Variants in DMD observed in about 807,000 individuals in gnomAD.
The protein encoded by DMD is mutant dystrophin.
A neutral mutation model predicts 330.1 loss-of-function variants in DMD; 63 were observed. The observed-to-expected ratio is 0.19, with a 90% confidence interval of 0.16 to 0.24. The LOEUF (loss-of-function observed/expected upper bound fraction) is 0.24, where lower values mean the gene tolerates loss of function less well. DMD is among the 10% of genes least tolerant of loss of function. DMD has a pLI of 1.00. For missense variants in DMD, 3,344 were observed against 2,684.1 expected (o/e 1.25, Z -5.43); for synonymous variants, 1,223 against 959.8 (o/e 1.27, Z -5.07).
chrX:32,881,875 C>G (rs2083978531), intron 2 of DMD, among the ~76,000 whole-genome samples: 1 of 111,372 alleles, frequency 9.0e-6, no homozygotes, highest in South Asian at 3.8e-4. Context: ...TACTGACTGA[C>G]TCTCAGAATC....
chrX:33,311,664 A>G (rs1377241336), intron 1 of DMD, among the ~76,000 whole-genome samples: 3 of 110,562 alleles, frequency 2.7e-5, no homozygotes, highest in Non-Finnish European at 5.7e-5. Context: ...ATATTTCAAG[A>G]AAATAGAGGT....
chrX:32,153,813 C>T (rs1054716681), intron 44 of DMD, among the ~76,000 whole-genome samples: 4 of 112,002 alleles, frequency 3.6e-5, no homozygotes, highest in African/African-American at 6.5e-5. Flanking sequence ...GATTAATGAA[C>T]GTGCGCACCT....
intron 2 of DMD, among the ~76,000 whole-genome samples, chrX:32,898,760 T>A (rs1482119613): frequency 1.8e-5 from 2 of 111,412 alleles, no homozygotes; most frequent in Non-Finnish European, 3.8e-5. Flanking sequence ...ATCTGCTGGT[T>A]TCTGCTGTTT....
chrX:31,483,261 T>C (rs112999932), intron 57 of DMD, among the ~76,000 whole-genome samples: 9,027 of 108,702 alleles, frequency 0.083, 414 homozygotes, highest in Middle Eastern at 0.17. Flanking sequence ...TTAGCCAGGA[T>C]GGTCTCCATC....
chrX:32,116,802 GTTTC>G (rs2146700337), intron 44 of DMD, among the ~76,000 whole-genome samples: 1 of 112,092 alleles, frequency 8.9e-6, no homozygotes, highest in Admixed American at 9.5e-5. Flanking sequence ...CCTTTCATTA[GTTTC>G]TTTCATATTT....
chrX:32,683,227 A>G (rs1483758953), intron 9 of DMD, among the ~76,000 whole-genome samples: 2 of 111,156 alleles, frequency 1.8e-5, no homozygotes, highest in African/African-American at 6.5e-5. Context: ...TATTGAAAGA[A>G]GGAGTGGCGA....
intron 44 of DMD, among the ~76,000 whole-genome samples, chrX:31,999,526 G>A (rs750454955): frequency 3.8e-4 from 42 of 111,854 alleles, no homozygotes; most frequent in Non-Finnish European, 5.1e-4. Flanking sequence ...TTATTTTAAA[G>A]TAAATGACTG....
chrX:32,111,681 G>T (rs904319637), intron 44 of DMD, among the ~76,000 whole-genome samples: 3 of 111,078 alleles, frequency 2.7e-5, no homozygotes, highest in African/African-American at 9.8e-5. Flanking sequence ...ATCATATCAA[G>T]TCCCAACTGT....
chrX:31,263,645 C>T (rs754712107), intron 62 of DMD, among the ~76,000 whole-genome samples: 1 of 111,547 alleles, frequency 9.0e-6, no homozygotes, highest in Non-Finnish European at 1.9e-5. Flanking sequence ...GATAAATGAA[C>T]TCCTCAAACA....
At chrX:31,873,906 C>T (rs1171089092) in intron 48 of DMD, among the ~76,000 whole-genome samples, 3 of 111,580 alleles carry the variant, frequency 2.7e-5, no homozygotes, top group Non-Finnish European at 5.6e-5. Context: ...CTTAAAAACA[C>T]TCACAAGTAA....
chrX:33,014,785 ATACAT>A (rs997274370), intron 2 of DMD, among the ~76,000 whole-genome samples: 7 of 109,669 alleles, frequency 6.4e-5, no homozygotes, highest in Admixed American at 3.9e-4. Flanking sequence ...AATTCAGAAA[ATACAT>A]TACATAATGA....
chrX:32,704,247 C>A (rs2064395708), intron 7 of DMD, among the ~76,000 whole-genome samples: 1 of 92,572 alleles, frequency 1.1e-5, no homozygotes, highest in Non-Finnish European at 1.9e-5. Context: ...GTACCTTAAC[C>A]TCATTCTCTC....
intron 1 of DMD, among the ~76,000 whole-genome samples, chrX:33,171,770 A>G (rs1363834059): frequency 9.0e-6 from 1 of 111,666 alleles, no homozygotes; most frequent in Non-Finnish European, 1.9e-5. Flanking sequence ...CTTGAAACAG[A>G]AGAGAGAGCA....
chrX:33,319,727 T>A (rs1302314544), intron 1 of DMD, among the ~76,000 whole-genome samples: 1 of 111,937 alleles, frequency 8.9e-6, no homozygotes. Flanking sequence ...GTAAGAAGAC[T>A]TTGAAAGTTT....
chrX:32,703,638 C>T (rs779296089), intron 7 of DMD, among the ~76,000 whole-genome samples: 1 of 111,149 alleles, frequency 9.0e-6, no homozygotes, highest in Middle Eastern at 4.6e-3. Flanking sequence ...CGGGGTAATC[C>T]TCATTTATGA....
chrX:31,957,786 G>GATA (rs2095261324), intron 45 of DMD, among the ~76,000 whole-genome samples: 2 of 111,578 alleles, frequency 1.8e-5, no homozygotes, highest in South Asian at 7.4e-4. Flanking sequence ...AAGGGAACAT[G>GATA]ATAATAGACT....
At chrX:31,729,531 A>G (rs1187678501) in intron 52 of DMD, 100 bp downstream of exon 52, 1 of 644,835 alleles carries the variant, frequency 1.6e-6, no homozygotes, top group Non-Finnish European at 2.6e-6. Context: ...ATTATTTCAC[A>G]TTATTTTTAT....
At chrX:32,419,068 A>T (rs1388338042) in intron 29 of DMD, among the ~76,000 whole-genome samples, 1 of 109,457 alleles carries the variant, frequency 9.1e-6, no homozygotes, top group East Asian at 2.8e-4. Flanking sequence ...AGATAGGAAC[A>T]CTTTATTTTC....
intron 51 of DMD, among the ~76,000 whole-genome samples, chrX:31,758,278 TG>T (rs1296647752): frequency 9.0e-6 from 1 of 111,228 alleles, no homozygotes; most frequent in African/African-American, 3.3e-5. Flanking sequence ...AAAGAATATT[TG>T]GAAGAATTAA....
Sources: allele counts gnomAD v4.1 joint callset (sites outside exome capture counted in the v4.1 genomes callset), GRCh38; gene constraint gnomAD v4.1.1; transcripts MANE v1.5; gene names NCBI Gene and HGNC (gene_info 2026-07-23, HGNC 2026-07-21).